MBNL2: variants seen among roughly 807,000 people sequenced by gnomAD.
The protein encoded by MBNL2 is muscleblind like splicing regulator 2.
Under a neutral mutation model 41.9 loss-of-function variants are expected in MBNL2, and 17 were observed. The observed-to-expected ratio is 0.41, with a 90% CI of 0.28 to 0.61. The LOEUF (loss-of-function observed/expected upper bound fraction) is 0.61. MBNL2 is among the 20% of genes least tolerant of loss of function. MBNL2 has a pLI of 0.35. For missense variants in MBNL2, 336 were observed against 505.6 expected (o/e 0.66, Z 3.22); for synonymous variants, 195 against 182.9 (o/e 1.07, Z -0.53).
chr13:97,342,901 A>G (rs1343212922), intron 3 of MBNL2, 115 bp from the exon 4 acceptor site: 2 of 645,610 alleles, frequency 3.1e-6, no homozygotes, highest in Non-Finnish European at 5.6e-6. Context: ...GCATTGAGCT[A>G]TACAATTAAC....
the MBNL2 span, among the ~76,000 whole-genome samples, chr13:97,176,648 G>A: frequency 6.6e-6 from 1 of 152,160 alleles, no homozygotes; most frequent in East Asian, 1.9e-4. Context: ...ATAAGAATTT[G>A]TAGATACTTT....
intron 8 of MBNL2, among the ~76,000 whole-genome samples, chr13:97,370,900 T>TG (rs1483649868): frequency 2.6e-5 from 4 of 152,060 alleles, no homozygotes; most frequent in East Asian, 3.9e-4. Flanking sequence ...AAAAATTGGT[T>TG]GGGGGGGAAA....
At chr13:97,349,787 T>TCTTA (rs2062264728) in intron 5 of MBNL2, among the ~76,000 whole-genome samples, 1 of 152,206 alleles carries the variant, frequency 6.6e-6, no homozygotes, top group Non-Finnish European at 1.5e-5. Context: ...TGCCTGCTTC[T>TCTTA]CTTACTATGG....
intron 2 of MBNL2, among the ~76,000 whole-genome samples, chr13:97,317,155 C>G (rs1057417840): frequency 5.3e-5 from 8 of 152,060 alleles, no homozygotes; most frequent in African/African-American, 1.9e-4. Context: ...GTGGGAGATG[C>G]CAAGCTTTGT....
chr13:97,359,315 G>A (rs189584495), intron 7 of MBNL2, among the ~76,000 whole-genome samples: 8 of 151,624 alleles, frequency 5.3e-5, no homozygotes, highest in African/African-American at 7.3e-5. Context: ...GGGGAAAAAC[G>A]TAAAAGGAGA....
In MBNL2 at chr13:97,365,984, A is replaced by G. The variant is rs2063813276; in HGVS notation, c.1048+813A>G. Among the ~76,000 whole-genome samples, 3 of 152,164 alleles carry G rather than the reference A, an allele frequency of 2.0e-5. No homozygotes were observed. In the South Asian group the frequency reaches 6.2e-4, roughly 32 times the overall value. ...GTCCTAAATTGAAAAAAAAAATTCA[A>G]TTTAACCATAATTCCAAAGAACATC... On this transcript the variant is annotated intron_variant, in intron 8 of 8. Transcript: ENST00000679496.
the MBNL2 span, chr13:97,179,362 C>T: frequency 6.6e-6 from 1 of 152,218 alleles, no homozygotes; most frequent in African/African-American, 2.4e-5. Flanking sequence ...TTCCTCTAGT[C>T]ACTCTTCATT....
In MBNL2 at chr13:97,327,645, A is replaced by G. The variant is rs148543324; in HGVS notation, c.175-6631A>G. Among the ~76,000 whole-genome samples, 183 of 151,966 alleles carry G rather than the reference A, an allele frequency of 1.2e-3. 1 individual carries two copies. Among genetic ancestry groups the G allele is most frequent in the African/African-American group, 3.9e-3 (161 of 41,412 alleles). On this transcript the variant is annotated intron_variant, in intron 2 of 8. Transcript: ENST00000679496. ...AATTTTGGGATTTTCCAACCACAAT[A>G]CATAGCTGCTTTACACTCTAGATAA...
chr13:97,322,795 C>A (rs1230660820), intron 2 of MBNL2, among the ~76,000 whole-genome samples: 1 of 152,124 alleles, frequency 6.6e-6, no homozygotes, highest in African/African-American at 2.4e-5. Context: ...ACTCCGACAC[C>A]AGCAACCAAG....
intron 2 of MBNL2, among the ~76,000 whole-genome samples, chr13:97,321,924 A>G (rs1291106240): frequency 6.6e-6 from 1 of 152,166 alleles, no homozygotes; most frequent in Non-Finnish European, 1.5e-5. Flanking sequence ...GGGATTATTA[A>G]CATTACCTCT....
chr13:97,301,368 G>A (rs1372489708), intron 2 of MBNL2, among the ~76,000 whole-genome samples: 1 of 152,224 alleles, frequency 6.6e-6, no homozygotes, highest in East Asian at 1.9e-4. Flanking sequence ...AGACTGGGAA[G>A]CAGAAGAGGT....
At chr13:97,145,346 A>G in the MBNL2 span, among the ~76,000 whole-genome samples, 2 of 152,236 alleles carry the variant, frequency 1.3e-5, no homozygotes, top group Non-Finnish European at 2.9e-5. Flanking sequence ...AAGAAAGAAA[A>G]GAGAAAGAAA....
chr13:97,219,664 A>C (rs1035966993), upstream of MBNL2, among the ~76,000 whole-genome samples: 2 of 152,156 alleles, frequency 1.3e-5, no homozygotes, highest in African/African-American at 2.4e-5. Context: ...ACCTCATCTA[A>C]ATTGCCTCCC....
chr13:97,240,750 A>G (rs2044106599), intron 1 of MBNL2, among the ~76,000 whole-genome samples: 1 of 152,184 alleles, frequency 6.6e-6, no homozygotes, highest in African/African-American at 2.4e-5. Flanking sequence ...TATTTCTAGG[A>G]TGATTGAAAT....
chr13:97,280,658 T>A (rs1353725605), intron 2 of MBNL2, among the ~76,000 whole-genome samples: 1 of 152,068 alleles, frequency 6.6e-6, no homozygotes, highest in Non-Finnish European at 1.5e-5. Context: ...TGCTTCCCCC[T>A]CCCGCCACCT....
intron 2 of MBNL2, among the ~76,000 whole-genome samples, chr13:97,303,514 A>C (rs1279643244): frequency 6.6e-6 from 1 of 152,238 alleles, no homozygotes; most frequent in Non-Finnish European, 1.5e-5. Flanking sequence ...CACCCCAGCC[A>C]GCTAGCTGCC....
At chr13:97,287,270 G>A (rs1009288616) in intron 2 of MBNL2, among the ~76,000 whole-genome samples, 7 of 152,190 alleles carry the variant, frequency 4.6e-5, no homozygotes, top group African/African-American at 9.6e-5. Flanking sequence ...AAACTTCATC[G>A]TTCCCAAAAA....
chr13:97,280,662 G>A (rs375344482), intron 2 of MBNL2, among the ~76,000 whole-genome samples: 132 of 152,064 alleles, frequency 8.7e-4, no homozygotes, highest in African/African-American at 3.0e-3. Flanking sequence ...TCCCCCTCCC[G>A]CCACCTGACT....
At chr13:97,352,922 C>T (rs1350431053) in intron 5 of MBNL2, among the ~76,000 whole-genome samples, 1 of 152,170 alleles carries the variant, frequency 6.6e-6, no homozygotes, top group Non-Finnish European at 1.5e-5. Flanking sequence ...GAACAATACA[C>T]CTAGTATATA....
Sources: gnomAD v4.1 joint callset for allele counts (sites outside exome capture counted in the v4.1 genomes callset) on GRCh38, gnomAD v4.1.1 for gene constraint, MANE v1.5 for transcripts, NCBI Gene and HGNC (gene_info 2026-07-23, HGNC 2026-07-21) for gene names.